DIAPH2: variants seen among roughly 807,000 people sequenced by gnomAD.
The protein encoded by DIAPH2 is diaphanous related formin 2, also known as protein diaphanous homolog 2.
In DIAPH2, 35 loss-of-function variants were observed where a neutral mutation model predicts 92.7. That is an observed-to-expected ratio of 0.38 (90% confidence interval 0.29 to 0.50). The LOEUF is 0.50. Ranked by LOEUF, DIAPH2 falls within the 20% of genes least tolerant of loss-of-function variation. The pLI, the probability that DIAPH2 is intolerant of heterozygous loss-of-function variation, is 0.94. For synonymous variants in DIAPH2, 301 were observed against 280.4 expected, an observed-to-expected ratio of 1.07 and a Z score of -0.73; for missense variants, 701 against 819.5, an observed-to-expected ratio of 0.86 and a Z score of 1.77.
chrX:97,482,275 G>T (rs2070656137), intron 26 of DIAPH2, among the ~76,000 whole-genome samples: 2 of 111,953 alleles, frequency 1.8e-5, no homozygotes, highest in Non-Finnish European at 3.8e-5. Context: ...ACATAACCAA[G>T]AACTTGATAT....
At chrX:97,090,800 G>A (rs752931561) in intron 19 of DIAPH2, among the ~76,000 whole-genome samples, 11 of 111,127 alleles carry the variant, frequency 9.9e-5, no homozygotes, top group African/African-American at 3.6e-4. Context: ...TTTGAGATAC[G>A]TCTCTAATAT....
chrX:97,466,145 G>C (rs184764288), intron 26 of DIAPH2, among the ~76,000 whole-genome samples: 310 of 111,534 alleles, frequency 2.8e-3, no homozygotes, highest in Middle Eastern at 9.2e-3. Flanking sequence ...TATTTGTTTT[G>C]TAAAACAAAT....
intron 4 of DIAPH2, among the ~76,000 whole-genome samples, chrX:96,816,611 A>G: frequency 8.9e-6 from 1 of 112,329 alleles, no homozygotes; most frequent in East Asian, 2.8e-4. Context: ...GGGAACCCTC[A>G]TGCACTGTTG....
Position 97,348,285 on chromosome X carries a change from G to A in DIAPH2, c.3009+5G>A. 1.7e-6 allele frequency: 2 copies of A among 1,189,809 alleles called. No individual in the cohort carries two copies. Among genetic ancestry groups the A allele is most frequent in the Non-Finnish European group, 2.3e-6 (2 of 884,134 alleles). ...AACTTCCGAACTTTGTTTTTGGTAAGTAATACATCTTAAAGCATTGCAAGA... is the reference window on the plus strand; with the variant it reads ...AACTTCCGAACTTTGTTTTTGGTAAATAATACATCTTAAAGCATTGCAAGA... On this transcript the variant is annotated splice_donor_5th_base_variant and intron_variant, in intron 24 of 26. Transcript: ENST00000324765.
At chrX:97,129,384 C>G (rs1309615691) in intron 21 of DIAPH2, among the ~76,000 whole-genome samples, 1 of 109,138 alleles carries the variant, frequency 9.2e-6, no homozygotes, top group African/African-American at 3.4e-5. Context: ...GCAGGGTGGT[C>G]TCGAACTCCT....
intron 26 of DIAPH2, among the ~76,000 whole-genome samples, chrX:97,514,128 C>A (rs1282219885): frequency 1.9e-5 from 2 of 106,711 alleles, no homozygotes; most frequent in Non-Finnish European, 3.9e-5. Context: ...TCCATTCTCC[C>A]CATCACTTTC....
intron 26 of DIAPH2, among the ~76,000 whole-genome samples, chrX:97,510,489 G>C (rs1314394513): frequency 2.7e-5 from 3 of 110,346 alleles, no homozygotes; most frequent in Non-Finnish European, 5.7e-5. Context: ...GGTTTCTTTT[G>C]CTGTGCAGAA....
intron 4 of DIAPH2, among the ~76,000 whole-genome samples, chrX:96,814,854 C>T (rs780851526): frequency 3.6e-5 from 4 of 111,708 alleles, no homozygotes; most frequent in South Asian, 3.8e-4. Flanking sequence ...GTATCACCAG[C>T]GGAGACTGCA....
chrX:96,730,576 G>A (rs1337591808), intron 1 of DIAPH2, among the ~76,000 whole-genome samples: 1 of 111,833 alleles, frequency 8.9e-6, no homozygotes, highest in African/African-American at 3.3e-5. Flanking sequence ...GGTTGATGTT[G>A]ATTACCTTTC....
chrX:97,262,088 A>G, intron 23 of DIAPH2, among the ~76,000 whole-genome samples: 1 of 87,087 alleles, frequency 1.1e-5, no homozygotes, highest in South Asian at 6.1e-4. Flanking sequence ...CAGTGATGAG[A>G]AACTAAAAAA....
intron 1 of DIAPH2, among the ~76,000 whole-genome samples, chrX:96,707,101 C>T (rs972464212): frequency 9.1e-6 from 1 of 109,500 alleles, no homozygotes; most frequent in Non-Finnish European, 1.9e-5. Flanking sequence ...GGGTTTGAGA[C>T]CAGCCTGGCC....
At chrX:96,745,124 A>G (rs2064142781) in intron 3 of DIAPH2, among the ~76,000 whole-genome samples, 1 of 108,452 alleles carries the variant, frequency 9.2e-6, no homozygotes, top group Admixed American at 1.0e-4. Flanking sequence ...CTCCTGTCTC[A>G]GCCTCCCGAG....
At chrX:96,731,636 C>T (rs367548440) in intron 1 of DIAPH2, among the ~76,000 whole-genome samples, 19 of 111,571 alleles carry the variant, frequency 1.7e-4, no homozygotes, top group East Asian at 5.6e-4. Context: ...ACAATAATGA[C>T]TCTTGCATTG....
At chrX:96,718,122 C>T (rs762087731) in intron 1 of DIAPH2, among the ~76,000 whole-genome samples, 43 of 106,274 alleles carry the variant, frequency 4.0e-4, no homozygotes, top group African/African-American at 1.4e-3. Context: ...CTCTGGTAAA[C>T]ATCATTCTAC....
chrX:97,430,159 T>C (rs2070111401), intron 26 of DIAPH2, among the ~76,000 whole-genome samples: 1 of 111,994 alleles, frequency 8.9e-6, no homozygotes, highest in Admixed American at 9.5e-5. Context: ...AGAGACCGTT[T>C]TGGTTTTGCA....
intron 23 of DIAPH2, among the ~76,000 whole-genome samples, chrX:97,254,374 CCCAGCTA>C (rs2068217069): frequency 9.2e-6 from 1 of 109,255 alleles, no homozygotes; most frequent in South Asian, 4.1e-4. Flanking sequence ...CGCCTGTAAT[CCCAGCTA>C]CTTGAGAGGC....
At chrX:96,782,581 G>A (rs1023259736) in intron 4 of DIAPH2, among the ~76,000 whole-genome samples, 1 of 111,353 alleles carries the variant, frequency 9.0e-6, no homozygotes, top group Non-Finnish European at 1.9e-5. Context: ...TTACAGGCGT[G>A]AGCCACCGCG....
intron 22 of DIAPH2, among the ~76,000 whole-genome samples, chrX:97,154,612 A>G (rs1215950065): frequency 3.6e-5 from 4 of 111,290 alleles, no homozygotes; most frequent in Non-Finnish European, 7.5e-5. Flanking sequence ...GAATAGTAAC[A>G]TACATTATGA....
At chrX:97,253,895 C>A (rs901794321) in intron 23 of DIAPH2, among the ~76,000 whole-genome samples, 1 of 112,214 alleles carries the variant, frequency 8.9e-6, no homozygotes, top group African/African-American at 3.2e-5. Flanking sequence ...CCTTACTATA[C>A]AACGAGGCTG....
Sources: gnomAD v4.1 joint callset for allele counts (sites outside exome capture counted in the v4.1 genomes callset) on GRCh38, gnomAD v4.1.1 for gene constraint, MANE v1.5 for transcripts, NCBI Gene and HGNC (gene_info 2026-07-23, HGNC 2026-07-21) for gene names.